Variants in ZNF385D observed in about 807,000 individuals in gnomAD.
ZNF385D encodes the protein zinc finger protein 659.
ZNF385D carries 15 observed loss-of-function variants against 35.8 expected under a neutral mutation model. That is an observed-to-expected ratio of 0.42 (90% CI 0.28 to 0.64). The LOEUF (loss-of-function observed/expected upper bound fraction) is 0.64. Ranked by LOEUF, ZNF385D falls within the 30% of genes least tolerant of loss-of-function variation. The probability of loss-of-function intolerance (pLI) is 0.23; values close to 1 mark genes in which losing one functional copy is unlikely to be tolerated. For synonymous variants in ZNF385D, 212 were observed against 186.8 expected, an observed-to-expected ratio of 1.13 and a Z score of -1.10; for missense variants, 474 against 494.6, an observed-to-expected ratio of 0.96 and a Z score of 0.39.
rs182027554 is a variant in ZNF385D, at chr3:21,991,408, T to G, written c.325+177409A>C. 5.4e-3 allele frequency among the ~76,000 whole-genome samples: 819 copies of G among 152,320 alleles called. 15 individuals carry two copies. The highest frequency in any genetic ancestry group is 4.8e-3 in the Non-Finnish European group (325 of 68,026). On this transcript the variant is annotated intron_variant, in intron 3 of 5. Coordinates refer to the ZNF385D transcript ENST00000494108. ...AGCCGTGAATTTTCTAAGTATAAACTGGAAATAAATCACATTTGTTTTGTT... is the reference window on the plus strand; with the variant it reads ...AGCCGTGAATTTTCTAAGTATAAACGGGAAATAAATCACATTTGTTTTGTT...
At chr3:22,247,635 A>G (rs1699856020) in intron 2 of ZNF385D, among the ~76,000 whole-genome samples, 1 of 151,484 alleles carries the variant, frequency 6.6e-6, no homozygotes, top group Admixed American at 6.6e-5. Context: ...TTATTTATTT[A>G]TTTATTTATT....
intron 3 of ZNF385D, among the ~76,000 whole-genome samples, chr3:21,874,429 C>T (rs1000680980): frequency 6.6e-6 from 1 of 151,976 alleles, no homozygotes; most frequent in Non-Finnish European, 1.5e-5. Context: ...ATATGGTTTG[C>T]AAATATTTTC....
intron 2 of ZNF385D, among the ~76,000 whole-genome samples, chr3:22,220,554 T>G (rs143387430): frequency 2.0e-3 from 303 of 152,320 alleles, no homozygotes; most frequent in African/African-American, 6.8e-3. Flanking sequence ...TAGATTCTGT[T>G]ATTGTCATTG....
At chr3:22,066,564 GT>G (rs1432918793) in intron 3 of ZNF385D, among the ~76,000 whole-genome samples, 3 of 131,816 alleles carry the variant, frequency 2.3e-5, no homozygotes, top group Non-Finnish European at 5.1e-5. Flanking sequence ...GTGTGTGTGT[GT>G]GTGTGTGTGT....
intron 3 of ZNF385D, among the ~76,000 whole-genome samples, chr3:22,100,626 T>C (rs189126496): frequency 5.2e-5 from 7 of 135,334 alleles, no homozygotes; most frequent in Admixed American, 1.8e-4. Flanking sequence ...TAGGTGGGAA[T>C]TGAACAATGA....
At chr3:22,118,441 A>T (rs1702918702) in intron 3 of ZNF385D, among the ~76,000 whole-genome samples, 1 of 152,068 alleles carries the variant, frequency 6.6e-6, no homozygotes, top group South Asian at 2.1e-4. Flanking sequence ...GAGGTGAGGG[A>T]GGGAGTGAAA....
intron 2 of ZNF385D, among the ~76,000 whole-genome samples, chr3:21,589,388 TTAAAAA>T (rs1307147312): frequency 6.6e-5 from 10 of 152,210 alleles, no homozygotes; most frequent in African/African-American, 2.2e-4. Flanking sequence ...TTGTTTACTC[TTAAAAA>T]TAAAGAAATG....
At chr3:22,137,877 A>G (rs939835411) in intron 3 of ZNF385D, among the ~76,000 whole-genome samples, 1 of 151,958 alleles carries the variant, frequency 6.6e-6, no homozygotes, top group Non-Finnish European at 1.5e-5. Flanking sequence ...AGGAAGTCAA[A>G]TTGTCCCTGT....
intron 2 of ZNF385D, among the ~76,000 whole-genome samples, chr3:22,220,267 G>C (rs2728985): frequency 0.75 from 114,156 of 151,816 alleles, 43,802 homozygotes; most frequent in East Asian, 0.91. Context: ...ATCTCACTAT[G>C]TTGCCCAGAC....
intron 2 of ZNF385D, among the ~76,000 whole-genome samples, chr3:22,225,365 TCCACCCTGCACCCACTTGTAACCCGAGC>T (rs946338064): frequency 6.6e-6 from 1 of 152,136 alleles, no homozygotes; most frequent in African/African-American, 2.4e-5. Flanking sequence ...GTAACCCGCG[TCCACCCTGCACCCACTTGTAACCCGAGC>T]CCACCCTGAA....
At chr3:22,026,819 G>C (rs760634434) in intron 3 of ZNF385D, among the ~76,000 whole-genome samples, 1 of 152,212 alleles carries the variant, frequency 6.6e-6, no homozygotes, top group African/African-American at 2.4e-5. Flanking sequence ...GGACTTGAAA[G>C]ATGCAAGGGT....
chr3:21,436,984 T>G lies in ZNF385D; in HGVS notation c.659A>C (p.Glu220Ala), dbSNP rs147799404. The G allele has an allele frequency of 1.5e-4, 243 of 1,613,764 alleles. No homozygotes were observed. Among genetic ancestry groups the G allele is most frequent in the Non-Finnish European group, 2.1e-4 (242 of 1,179,846 alleles). Residue 220 changes from glutamate to alanine, a missense_variant, in exon 5 of 8, where the codon GAG (glutamate) becomes GCG (alanine). Physicochemically the swap from Glu to Ala is moderately radical, Grantham distance 107 (BLOSUM62 -1). Coordinates refer to ENST00000281523, the MANE Select transcript of ZNF385D (RefSeq NM_024697.3). ...CTGCATCTCACCACTGTTGTGCGCC[T>G]CCAGCTGCGAGGCAGAGTTGACAGC... The part of the protein sequence containing the change: ...KVAVNSASQL[E>A]AHNSGTKHKT...
At position 22,164,216 on chromosome 3, in the gene ZNF385D, C is replaced by CTTTTTTT. The variant is rs571978176; in HGVS notation, c.325+4594_325+4600dup. 3.3e-4 allele frequency among the ~76,000 whole-genome samples: 25 copies of CTTTTTTT among 74,948 alleles called. 1 individual carries two copies. The highest frequency in any genetic ancestry group is 1.7e-3 in the East Asian group (3 of 1,738). The allele number at this position is 74,948 out of a possible 152,430, so 49.2% of individuals were successfully genotyped here. A position where few individuals can be genotyped will look rare whatever the true frequency, so the allele number is the denominator to read the frequency against. On this transcript the variant is annotated intron_variant, in intron 3 of 5. Transcript: ENST00000494108. The stretch of plus-strand genomic sequence containing the variant: ...CACTATAGGTAATACAAAAGGAGCA[C>CTTTTTTT]TTTTTTTTTTTTTTTTTTTTTTTTT...
At chr3:21,660,199 A>C (rs898434027) in intron 2 of ZNF385D, among the ~76,000 whole-genome samples, 5 of 151,998 alleles carry the variant, frequency 3.3e-5, no homozygotes, top group African/African-American at 1.2e-4. Flanking sequence ...TATACAGAGG[A>C]GCAGCACAGA....
intron 3 of ZNF385D, among the ~76,000 whole-genome samples, chr3:22,019,497 G>T (rs1332559032): frequency 6.6e-6 from 1 of 151,708 alleles, no homozygotes; most frequent in East Asian, 1.9e-4. Context: ...TGAATTTGTG[G>T]TTTATTAATC....
At chr3:21,604,526 A>G (rs942838562) in intron 2 of ZNF385D, among the ~76,000 whole-genome samples, 1 of 152,232 alleles carries the variant, frequency 6.6e-6, no homozygotes, top group Non-Finnish European at 1.5e-5. Flanking sequence ...AAGAACACAG[A>G]AAAGAGTAAG....
At chr3:22,198,108 T>C (rs936540783) in intron 2 of ZNF385D, among the ~76,000 whole-genome samples, 11 of 152,188 alleles carry the variant, frequency 7.2e-5, no homozygotes, top group Non-Finnish European at 1.3e-4. Flanking sequence ...GGATTAAAAA[T>C]GGAGAACAGA....
At chr3:21,740,585 ACC>A (rs1195273578) in intron 1 of ZNF385D, among the ~76,000 whole-genome samples, 2 of 152,158 alleles carry the variant, frequency 1.3e-5, no homozygotes, top group African/African-American at 4.8e-5. Flanking sequence ...CACTGTGGAA[ACC>A]AGGGATGGGC....
intron 3 of ZNF385D, among the ~76,000 whole-genome samples, chr3:21,768,849 C>G (rs1297346920): frequency 6.6e-6 from 1 of 151,848 alleles, no homozygotes; most frequent in Non-Finnish European, 1.5e-5. Flanking sequence ...ACCATTTTTT[C>G]CCTCCTTTGA....
Sources: gnomAD v4.1 joint callset for allele counts (sites outside exome capture counted in the v4.1 genomes callset) on GRCh38, gnomAD v4.1.1 for gene constraint, MANE v1.5 for transcripts, NCBI Gene and HGNC (gene_info 2026-07-23, HGNC 2026-07-21) for gene names.